Variants in PET117 observed in about 807,000 individuals in gnomAD.
PET117 encodes PET117 cytochrome c oxidase chaperone, also known as protein PET117 homolog, mitochondrial.
In PET117, 10 loss-of-function variants were observed where a neutral mutation model predicts 9.2. That is an observed-to-expected ratio of 1.09 (90% CI 0.67 to 1.85). The LOEUF (loss-of-function observed/expected upper bound fraction) is 1.85. PET117 is among the 40% of genes most tolerant of loss of function. PET117 has a pLI of 0.00. For missense variants in PET117, 96 were observed against 98.2 expected (o/e 0.98, Z 0.09); for synonymous variants, 43 against 37.1 (o/e 1.16, Z -0.57).
intron 1 of PET117, chr20:18,138,460 C>G (rs1250420341): frequency 4.0e-6 from 4 of 992,460 alleles, no homozygotes; most frequent in Non-Finnish European, 4.8e-6. Context: ...GAAGGAGTTT[C>G]TTGGGGTGCA....
At chr20:18,138,387 G>A in intron 1 of PET117, 1 of 1,048,294 alleles carries the variant, frequency 9.5e-7, no homozygotes, top group Non-Finnish European at 1.1e-6. Flanking sequence ...TCAAGTCACA[G>A]CCGGCCCGCA....
In PET117 at chr20:18,142,767, C is replaced by T. The variant is rs765598660; in HGVS notation, c.*410C>T. ...GAGGAAGGTGAAGTGGAGGGAGAGACGCTCCTGATCGTCGAATCCGAGGAT... is the reference window on the plus strand; with the variant it reads ...GAGGAAGGTGAAGTGGAGGGAGAGATGCTCCTGATCGTCGAATCCGAGGAT... On this transcript the variant is annotated 3_prime_UTR_variant, in exon 2 of 2. Transcript: ENST00000432901. 6 of 1,614,162 alleles carry T rather than the reference C, an allele frequency of 3.7e-6. No homozygotes were observed. Among genetic ancestry groups the T allele is most frequent in the South Asian group, 2.2e-5 (2 of 91,082 alleles).
At position 18,141,876 on chromosome 20, in the gene PET117, A is replaced by G. The variant is rs1220545253; in HGVS notation, c.97-332A>G. Among the ~76,000 whole-genome samples, 3 of 151,732 alleles carry G rather than the reference A, an allele frequency of 2.0e-5. No homozygotes were observed. The East Asian group carries it at 5.8e-4, about 29-fold the overall frequency. ...ACTCCAGCCTGGGCGACAGAGCGAGACTCTTGTCTCAAAAAATAAATAAAA... is the reference window on the plus strand; with the variant it reads ...ACTCCAGCCTGGGCGACAGAGCGAGGCTCTTGTCTCAAAAAATAAATAAAA... On this transcript the variant is annotated intron_variant, in intron 1 of 1. Transcript: ENST00000432901.
rs1243791324 is a variant in PET117, at chr20:18,142,456, T to G, written c.*99T>G. Reference sequence around the variant, plus strand: ...TATCTTCATCTTTTTTTTTGGTCACTGTCCTTTTAAACTTGATCAAATAAA... The same window carrying G: ...TATCTTCATCTTTTTTTTTGGTCACGGTCCTTTTAAACTTGATCAAATAAA... On this transcript the variant is annotated 3_prime_UTR_variant, in exon 2 of 2. Transcript: ENST00000432901. The G allele has an allele frequency of 3.4e-6, 5 of 1,460,810 alleles. No homozygotes were observed. The highest frequency in any genetic ancestry group is 4.5e-6 in the Non-Finnish European group (5 of 1,112,300). The allele number at this position is 1,460,810 out of a possible 1,614,324, so 90.5% of individuals were successfully genotyped here.
chr20:18,140,928 G>C (rs981414981), intron 1 of PET117, among the ~76,000 whole-genome samples: 5 of 148,766 alleles, frequency 3.4e-5, no homozygotes, highest in Admixed American at 6.7e-5. Flanking sequence ...CACAATCTTA[G>C]CTCACTGCAG....
chr20:18,142,658 G>A lies in PET117; in HGVS notation c.*301G>A, dbSNP rs200462961. ...GCACTGCCGAGCTTGTGAGAAGGAA[G>A]GGATGGATAGTAGCATCCACCTGAG... On this transcript the variant is annotated 3_prime_UTR_variant, in exon 2 of 2. Coordinates refer to ENST00000432901, the MANE Select transcript of PET117 (RefSeq NM_001164811.2). 1 of 1,614,028 alleles carries A rather than the reference G, an allele frequency of 6.2e-7. No individual in the cohort carries two copies. Among genetic ancestry groups the A allele is most frequent in the South Asian group, 1.1e-5 (1 of 91,070 alleles).
Position 18,143,040 on chromosome 20 carries a change from C to T in PET117, c.*683C>T. On this transcript the variant is annotated 3_prime_UTR_variant, in exon 2 of 2. Transcript: ENST00000432901. The stretch of plus-strand genomic sequence containing the variant: ...ATAAAAGGATAATTATATTTATTCT[C>T]TAGTTGATCAGCTATAAATTTATAT... The T allele has an allele frequency of 6.9e-7, 1 of 1,446,778 alleles. No homozygotes were observed. The highest frequency in any genetic ancestry group is 9.1e-7 in the Non-Finnish European group (1 of 1,100,522). The allele number at this position is 1,446,778 out of a possible 1,614,324, so 89.6% of individuals were successfully genotyped here.
Position 18,142,440 on chromosome 20 carries a change from C to CT in PET117, c.*92dup, listed in dbSNP as rs78016265. Reference sequence around the variant, plus strand: ...GAGAGTAGCTTAGTAGTATCTTCATCTTTTTTTTTGGTCACTGTCCTTTTA... The same window carrying CT: ...GAGAGTAGCTTAGTAGTATCTTCATCTTTTTTTTTTGGTCACTGTCCTTTTA... On this transcript the variant is annotated 3_prime_UTR_variant, in exon 2 of 2. Coordinates refer to ENST00000432901, the MANE Select transcript of PET117 (RefSeq NM_001164811.2). 69 of 1,450,492 alleles carry CT rather than the reference C, an allele frequency of 4.8e-5. 1 individual carries two copies. The highest frequency in any genetic ancestry group is 3.8e-4 in the Middle Eastern group (2 of 5,308). The allele number at this position is 1,450,492 out of a possible 1,614,324, so 89.9% of individuals were successfully genotyped here. A position where few individuals can be genotyped will look rare whatever the true frequency, so the allele number is the denominator to read the frequency against.
Position 18,137,880 on chromosome 20 carries a change from G to T in PET117, c.-76G>T. 1 of 1,388,082 alleles carries T rather than the reference G, an allele frequency of 7.2e-7. No homozygotes were observed. Among genetic ancestry groups the T allele is most frequent in the Non-Finnish European group, 9.4e-7 (1 of 1,066,088 alleles). 86.0% of individuals were successfully genotyped at this position (1,388,082 alleles called of 1,614,324 possible). ...GAGGGGTCGAGCCTGGGCAGTACAG[G>T]CGGCGGTGCGCACTCTGCGGCGGCC... is the stretch of plus-strand genomic sequence containing the variant. On this transcript the variant is annotated 5_prime_UTR_variant, in exon 1 of 2. Transcript: ENST00000432901.
rs1050903826 is a variant in PET117 at position 18,142,220 on chromosome 20, G to A, written c.109G>A (p.Gly37Arg). The A allele has an allele frequency of 3.9e-6, 6 of 1,536,836 alleles. No individual in the cohort carries two copies. Among genetic ancestry groups the A allele is most frequent in the Middle Eastern group, 1.7e-4 (1 of 6,012 alleles). Reference sequence around the variant, plus strand: ...CTTACGTTTTTAGAGGCTTCGTGACGGAGTTATCAGAGACATTGAGAGGCA... The same window carrying A: ...CTTACGTTTTTAGAGGCTTCGTGACAGAGTTATCAGAGACATTGAGAGGCA... ...QQWDQQRLRD[G>R]VIRDIERQIR... Residue 37 changes from glycine (G) to arginine (R), a missense_variant, in exon 2 of 2, where the codon GGA (glycine) becomes AGA (arginine). Physicochemically the swap from Gly to Arg is moderately radical, Grantham distance 125. Transcript: ENST00000432901.
chr20:18,141,051 T>TTTTTTTTTTTTTTTTTG (rs58888387), intron 1 of PET117, among the ~76,000 whole-genome samples: 125 of 109,690 alleles, frequency 1.1e-3, no homozygotes, highest in Non-Finnish European at 1.4e-3. Flanking sequence ...TTTTTTATTT[T>TTTTTTTTTTTTTTTTTG]TATTTTTGCT....
intron 1 of PET117, among the ~76,000 whole-genome samples, chr20:18,140,784 T>C (rs1164459031): frequency 7.8e-6 from 1 of 128,390 alleles, no homozygotes; most frequent in East Asian, 2.4e-4. Flanking sequence ...GGAGCCAAGA[T>C]CTCCAGCCTG....
rs186863964 is a variant in PET117, at chr20:18,141,551, C to T, written c.97-657C>T. ...AGTTTAGAGTGTTACTGTAGTAACT[C>T]GCCAAGTTTTTAAAGCATTACATAT... On this transcript the variant is annotated intron_variant, in intron 1 of 1. Transcript: ENST00000432901. Among the ~76,000 whole-genome samples the T allele has an allele frequency of 2.3e-3, 348 of 152,198 alleles. 3 individuals carry two copies. Among genetic ancestry groups the T allele is most frequent in the Non-Finnish European group, 2.4e-3 (164 of 68,012 alleles).
At position 18,142,873 on chromosome 20, in the gene PET117, G is replaced by A. The variant is rs2037640436; in HGVS notation, c.*516G>A. The stretch of plus-strand genomic sequence containing the variant: ...AAGGAGACGTGTCTTGGATGGAGGA[G>A]CAGCTGTCCTACTTCTGTGACAAGT... On this transcript the variant is annotated 3_prime_UTR_variant, in exon 2 of 2. Coordinates refer to ENST00000432901, the MANE Select transcript of PET117 (RefSeq NM_001164811.2). The A allele has an allele frequency of 6.2e-7, 1 of 1,614,180 alleles. No individual in the cohort carries two copies. Among genetic ancestry groups the A allele is most frequent in the Non-Finnish European group, 8.5e-7 (1 of 1,180,042 alleles).
intron 1 of PET117, among the ~76,000 whole-genome samples, chr20:18,140,067 G>A (rs1294801091): frequency 6.6e-6 from 1 of 152,108 alleles, no homozygotes; most frequent in Non-Finnish European, 1.5e-5. Context: ...GAGGAAGATA[G>A]CAAATGATGG....
At position 18,142,333 on chromosome 20, in the gene PET117, G is replaced by A; in HGVS notation, c.222G>A (p.Leu74=). 1 of 1,536,426 alleles carries A rather than the reference G, an allele frequency of 6.5e-7. No homozygotes were observed. The highest frequency in any genetic ancestry group is 1.2e-5 in the South Asian group (1 of 83,960). The part of the protein sequence containing the change: ...QLEAEREKML[L]AKGSQKS ...AAGCAGAAAGAGAGAAGATGTTATT[G>A]GCAAAAGGATCTCAAAAATCATGAC... Residue 74 remains leucine (L), a synonymous_variant, in exon 2 of 2, where the codon TTG becomes TTA. Coordinates refer to ENST00000432901, the MANE Select transcript of PET117 (RefSeq NM_001164811.2).
intron 1 of PET117, among the ~76,000 whole-genome samples, chr20:18,141,435 T>C (rs904315917): frequency 6.6e-6 from 1 of 152,214 alleles, no homozygotes; most frequent in Admixed American, 6.5e-5. Context: ...TTGTTAACTT[T>C]ACATGCTAGA....
chr20:18,142,588 G>GC lies in PET117; in HGVS notation c.*235dup. ...GTCTGTCTGGGTGATCCTGGTAGAA[G>GC]CCCCATTAGGGTCACTGTCCAGTGC... On this transcript the variant is annotated 3_prime_UTR_variant, in exon 2 of 2. Transcript: ENST00000432901. 1 of 1,584,388 alleles carries GC rather than the reference G, an allele frequency of 6.3e-7. No homozygotes were observed. The highest frequency in any genetic ancestry group is 8.6e-7 in the Non-Finnish European group (1 of 1,163,226).
rs2037430939 is a variant in PET117, at chr20:18,139,309, T to C, written c.96+1258T>C. Among the ~76,000 whole-genome samples, 5 of 152,322 alleles carry C rather than the reference T, an allele frequency of 3.3e-5. 1 individual carries two copies. The South Asian group carries it at 1.0e-3, about 32-fold the overall frequency. ...AAGGAAAAGTAAAAGATGTTGATCC[T>C]GGGAAAACTTGAGATGGAGTAAAAT... On this transcript the variant is annotated intron_variant, in intron 1 of 1. Coordinates refer to ENST00000432901, the MANE Select transcript of PET117 (RefSeq NM_001164811.2).
Sources: gnomAD v4.1 joint callset for allele counts (sites outside exome capture counted in the v4.1 genomes callset) on GRCh38, gnomAD v4.1.1 for gene constraint, MANE v1.5 for transcripts, NCBI Gene and HGNC (gene_info 2026-07-23, HGNC 2026-07-21) for gene names.